The following B3GAT2 variants were observed in gnomAD, a reference collection of about 807,000 sequenced individuals.
The protein encoded by B3GAT2 is galactosylgalactosylxylosylprotein 3-beta-glucuronosyltransferase 2.
Under a neutral mutation model 27.8 loss-of-function variants are expected in B3GAT2, and 26 were observed. The ratio of observed to expected loss-of-function variants is 0.93; its 90% CI spans 0.68 to 1.30. The LOEUF (loss-of-function observed/expected upper bound fraction) is 1.30. Among genes scored for constraint, B3GAT2 ranks in the 50% most tolerant of loss-of-function variants. The pLI is 0.00. For synonymous variants in B3GAT2, 218 were observed against 195.1 expected (o/e 1.12, Z -0.98); for missense variants, 458 against 459.0 (o/e 1.00, Z 0.02).
chr6:70,859,107 C>T lies in B3GAT2; in HGVS notation c.*2556G>A, dbSNP rs538010202. 5 of 416,776 alleles carry T rather than the reference C, an allele frequency of 1.2e-5. No individual in the cohort carries two copies. The highest frequency in any genetic ancestry group is 1.0e-4 in the African/African-American group (5 of 49,234). 25.8% of individuals were successfully genotyped at this position (416,776 alleles called of 1,614,324 possible). A position where few individuals can be genotyped will look rare whatever the true frequency, so the allele number is the denominator to read the frequency against. On this transcript the variant is annotated 3_prime_UTR_variant, in exon 4 of 4. Coordinates refer to ENST00000230053, the MANE Select transcript of B3GAT2 (RefSeq NM_080742.3). ...ACCTTTAGAGCATTCAGGGAATAGTCTAGAGTGATTTCTAACATTAGCACA... is the reference window on the plus strand; with the variant it reads ...ACCTTTAGAGCATTCAGGGAATAGTTTAGAGTGATTTCTAACATTAGCACA...
intron 2 of B3GAT2, among the ~76,000 whole-genome samples, chr6:70,863,107 G>C (rs151285865): frequency 6.5e-4 from 99 of 152,274 alleles, no homozygotes; most frequent in African/African-American, 2.3e-3. Flanking sequence ...TGAAGCCCTG[G>C]ATCTCTTTTT....
At chr6:70,881,181 C>G (rs1772093693) in intron 2 of B3GAT2, among the ~76,000 whole-genome samples, 1 of 152,158 alleles carries the variant, frequency 6.6e-6, no homozygotes, top group South Asian at 2.1e-4. Context: ...CACTTAGAGC[C>G]TCGATGCTGT....
At chr6:70,875,931 G>A (rs994264363) in intron 2 of B3GAT2, among the ~76,000 whole-genome samples, 1 of 152,182 alleles carries the variant, frequency 6.6e-6, no homozygotes, top group Non-Finnish European at 1.5e-5. Flanking sequence ...TCAGGATGCT[G>A]AGCAAGGATG....
At chr6:70,863,643 G>A (rs1018945057) in intron 2 of B3GAT2, among the ~76,000 whole-genome samples, 2 of 152,098 alleles carry the variant, frequency 1.3e-5, no homozygotes, top group Non-Finnish European at 2.9e-5. Flanking sequence ...CTTTATTTGC[G>A]AGAGAAGTGT....
intron 1 of B3GAT2, among the ~76,000 whole-genome samples, chr6:70,938,794 C>T (rs894283758): frequency 6.6e-6 from 1 of 151,944 alleles, no homozygotes; most frequent in Admixed American, 6.6e-5. Context: ...ACCATAAAAA[C>T]CCTAGAAGAA....
chr6:70,895,362 T>C (rs1376759426), intron 1 of B3GAT2, among the ~76,000 whole-genome samples: 2 of 152,136 alleles, frequency 1.3e-5, no homozygotes, highest in African/African-American at 4.8e-5. Context: ...AAAAAAATGA[T>C]ATACCTTGGA....
intron 1 of B3GAT2, among the ~76,000 whole-genome samples, chr6:70,916,705 T>C (rs1772779857): frequency 1.3e-5 from 2 of 152,218 alleles, no homozygotes; most frequent in African/African-American, 4.8e-5. Context: ...CATTTATTGA[T>C]TTGCCTATGT....
chr6:70,891,019 C>A (rs191584835), intron 2 of B3GAT2, among the ~76,000 whole-genome samples: 2 of 152,344 alleles, frequency 1.3e-5, no homozygotes, highest in East Asian at 3.9e-4. Context: ...TTCAAGCAGT[C>A]GTTCTTACTG....
chr6:70,935,194 C>T (rs1020098020), intron 1 of B3GAT2, among the ~76,000 whole-genome samples: 5 of 151,822 alleles, frequency 3.3e-5, no homozygotes, highest in Admixed American at 2.6e-4. Flanking sequence ...ACCAGTAATA[C>T]CAGTACTTTG....
At chr6:70,868,325 C>T (rs902306833) in intron 2 of B3GAT2, among the ~76,000 whole-genome samples, 2 of 152,058 alleles carry the variant, frequency 1.3e-5, no homozygotes, top group East Asian at 3.9e-4. Flanking sequence ...AGGCTCCCAC[C>T]CCCACAAAAA....
intron 1 of B3GAT2, among the ~76,000 whole-genome samples, chr6:70,931,949 A>C (rs1439313545): frequency 1.3e-5 from 2 of 152,234 alleles, no homozygotes; most frequent in Non-Finnish European, 2.9e-5. Context: ...AAAAATGGGC[A>C]GAATAGGCTT....
At chr6:70,868,149 T>C (rs993629077) in intron 2 of B3GAT2, among the ~76,000 whole-genome samples, 1 of 152,108 alleles carries the variant, frequency 6.6e-6, no homozygotes, top group Non-Finnish European at 1.5e-5. Flanking sequence ...AGACTAGAAG[T>C]GAACTTTCTC....
intron 1 of B3GAT2, among the ~76,000 whole-genome samples, chr6:70,907,176 C>T (rs1357205992): frequency 6.6e-6 from 1 of 152,176 alleles, no homozygotes; most frequent in Non-Finnish European, 1.5e-5. Context: ...GGGTGATGGT[C>T]TCTCAATGCC....
intron 1 of B3GAT2, among the ~76,000 whole-genome samples, chr6:70,902,125 G>A (rs1772509370): frequency 6.6e-6 from 1 of 152,096 alleles, no homozygotes; most frequent in South Asian, 2.1e-4. Context: ...GCCTGACTGG[G>A]CTCTGCTTAT....
chr6:70,955,684 G>C (rs1381613305), intron 1 of B3GAT2, among the ~76,000 whole-genome samples, 155 bp downstream of exon 1: 1 of 152,212 alleles, frequency 6.6e-6, no homozygotes, highest in Admixed American at 6.5e-5. Context: ...CGGAGTGCCA[G>C]CAAGGAGCGG....
chr6:70,871,679 T>C (rs1024485272), intron 2 of B3GAT2, among the ~76,000 whole-genome samples: 4 of 152,102 alleles, frequency 2.6e-5, no homozygotes, highest in African/African-American at 9.6e-5. Context: ...AACATTTTTA[T>C]GGATTTTCTT....
In B3GAT2 at chr6:70,888,659, T is replaced by TA. The variant is rs530384021; in HGVS notation, c.736+5468dup. Among the ~76,000 whole-genome samples the TA allele has an allele frequency of 1.9e-3, 286 of 152,278 alleles. 1 individual carries two copies. The highest frequency in any genetic ancestry group is 6.7e-3 in the African/African-American group (279 of 41,562). The stretch of plus-strand genomic sequence containing the variant: ...TGTATTTCTAATCACATCAGTCCCC[T>TA]ACTTGAAAAATGTCAGACTCTCCAA... On this transcript the variant is annotated intron_variant, in intron 2 of 3. Transcript: ENST00000230053.
At chr6:70,951,307 A>G (rs4707870) in intron 1 of B3GAT2, among the ~76,000 whole-genome samples, 19,541 of 152,214 alleles carry the variant, frequency 0.13, 2,367 homozygotes, top group African/African-American at 0.32. Context: ...ATGCCTTAAA[A>G]GCAATTACTA....
chr6:70,936,408 A>G (rs562427361), intron 1 of B3GAT2, among the ~76,000 whole-genome samples: 1 of 152,184 alleles, frequency 6.6e-6, no homozygotes, highest in East Asian at 1.9e-4. Flanking sequence ...CGGACCTAAT[A>G]CACATCTAAA....
Sources: allele counts gnomAD v4.1 joint callset (sites outside exome capture counted in the v4.1 genomes callset), GRCh38; gene constraint gnomAD v4.1.1; transcripts MANE v1.5; gene names NCBI Gene and HGNC (gene_info 2026-07-23, HGNC 2026-07-21).